DLGAP2: variants seen among roughly 807,000 people sequenced by gnomAD.
DLGAP2 encodes the protein DLG associated protein 2.
DLGAP2 carries 26 observed loss-of-function variants against 100.3 expected under a neutral mutation model. The observed-to-expected ratio is 0.26, with a 90% confidence interval of 0.19 to 0.36. The LOEUF is 0.36. DLGAP2 is among the 10% of genes least tolerant of loss of function. The pLI, the probability that DLGAP2 is intolerant of heterozygous loss-of-function variation, is 1.00. For synonymous variants in DLGAP2, 886 were observed against 630.1 expected, an observed-to-expected ratio of 1.41 and a Z score of -6.08; for missense variants, 1,858 against 1,453.2, an observed-to-expected ratio of 1.28 and a Z score of -4.53.
chr8:1,167,153 A>G (rs1341351070), intron 2 of DLGAP2, among the ~76,000 whole-genome samples: 1 of 152,126 alleles, frequency 6.6e-6, no homozygotes, highest in Non-Finnish European at 1.5e-5. Context: ...AGAAAAAGAA[A>G]AAAACAATTT....
intron 2 of DLGAP2, among the ~76,000 whole-genome samples, chr8:1,003,553 G>A (rs935919610): frequency 6.6e-6 from 1 of 152,250 alleles, no homozygotes; most frequent in Non-Finnish European, 1.5e-5. Context: ...TTAGTAAGCA[G>A]TGAGCATTGG....
chr8:798,113 G>T (rs1371879011), intron 1 of DLGAP2, among the ~76,000 whole-genome samples: 1 of 152,216 alleles, frequency 6.6e-6, no homozygotes, highest in Non-Finnish European at 1.5e-5. Flanking sequence ...GTTTGCATCA[G>T]TTTCTTGTCT....
chr8:1,508,135 A>G (rs1043978428), intron 4 of DLGAP2, among the ~76,000 whole-genome samples: 2 of 151,940 alleles, frequency 1.3e-5, no homozygotes, highest in East Asian at 3.9e-4. Context: ...AAAGTTAGAC[A>G]CATCTAACAT....
chr8:1,199,868 C>T (rs980409124), intron 2 of DLGAP2, among the ~76,000 whole-genome samples: 2 of 152,082 alleles, frequency 1.3e-5, no homozygotes, highest in Non-Finnish European at 2.9e-5. Context: ...TCGGCTGTGT[C>T]ACTGGGTGGA....
chr8:1,551,774 C>T (rs1801775490), intron 5 of DLGAP2, among the ~76,000 whole-genome samples: 1 of 142,090 alleles, frequency 7.0e-6, no homozygotes, highest in African/African-American at 2.6e-5. Context: ...CTGTGTTGAT[C>T]TCCCAGAGAT....
At chr8:1,077,930 C>G (rs528312809) in intron 2 of DLGAP2, among the ~76,000 whole-genome samples, 1 of 152,220 alleles carries the variant, frequency 6.6e-6, no homozygotes, top group Non-Finnish European at 1.5e-5. Context: ...CCCTGATTCT[C>G]TCCACACCAC....
At chr8:1,601,335 C>T (rs995524926) in intron 6 of DLGAP2, among the ~76,000 whole-genome samples, 1 of 152,202 alleles carries the variant, frequency 6.6e-6, no homozygotes, top group Admixed American at 6.5e-5. Flanking sequence ...GTCTCCCCAT[C>T]AGGAGACAAG....
intron 3 of DLGAP2, among the ~76,000 whole-genome samples, chr8:1,438,396 T>A (rs1314492749): frequency 6.6e-6 from 1 of 152,140 alleles, no homozygotes; most frequent in East Asian, 1.9e-4. Context: ...AGGAGGCCAT[T>A]TTAGTGCGTT....
chr8:1,493,099 G>A (rs1363428631), intron 3 of DLGAP2, among the ~76,000 whole-genome samples: 1 of 152,212 alleles, frequency 6.6e-6, no homozygotes, highest in South Asian at 2.1e-4. Flanking sequence ...AGGGCACAAG[G>A]TGACAACGAG....
chr8:1,561,677 T>TC (rs1802166041), intron 5 of DLGAP2, among the ~76,000 whole-genome samples: 1 of 149,004 alleles, frequency 6.7e-6, no homozygotes, highest in Non-Finnish European at 1.5e-5. Flanking sequence ...ACTGTGGTGT[T>TC]GGGTGTCCGC....
intron 10 of DLGAP2, among the ~76,000 whole-genome samples, chr8:1,671,471 G>A (rs1798688367): frequency 6.6e-6 from 1 of 152,206 alleles, no homozygotes. Context: ...CTTCTGTGGA[G>A]CTCACGCCCT....
intron 3 of DLGAP2, among the ~76,000 whole-genome samples, chr8:1,273,197 G>A (rs2116933157): frequency 6.6e-6 from 1 of 152,282 alleles, no homozygotes; most frequent in South Asian, 2.1e-4. Flanking sequence ...TAGTCTACAG[G>A]GGGGCCCTCC....
chr8:1,068,628 G>C (rs1803329280), intron 2 of DLGAP2, among the ~76,000 whole-genome samples: 2 of 152,202 alleles, frequency 1.3e-5, no homozygotes, highest in Non-Finnish European at 2.9e-5. Flanking sequence ...ACGCACAGGA[G>C]CGGGGAGATG....
intron 1 of DLGAP2, among the ~76,000 whole-genome samples, chr8:886,199 A>G (rs1481553077): frequency 6.6e-6 from 1 of 152,156 alleles, no homozygotes; most frequent in Admixed American, 6.5e-5. Flanking sequence ...AGGTGTTTAT[A>G]GTATTCTCTG....
At chr8:1,229,963 G>A (rs1325542243) in intron 2 of DLGAP2, among the ~76,000 whole-genome samples, 1 of 152,116 alleles carries the variant, frequency 6.6e-6, no homozygotes. Context: ...ACTGGAACAA[G>A]ACAAGGATGC....
intron 2 of DLGAP2, among the ~76,000 whole-genome samples, chr8:971,878 A>C (rs535102950): frequency 6.6e-6 from 1 of 152,282 alleles, no homozygotes; most frequent in South Asian, 2.1e-4. Flanking sequence ...GCTAAGAAGC[A>C]CTTGTGATGG....
chr8:1,665,806 T>C (rs1354216037), intron 8 of DLGAP2, among the ~76,000 whole-genome samples: 1 of 152,232 alleles, frequency 6.6e-6, no homozygotes, highest in Non-Finnish European at 1.5e-5. Context: ...GATTCTGTTT[T>C]CTGTAAATGA....
intron 1 of DLGAP2, among the ~76,000 whole-genome samples, chr8:866,388 G>T (rs1256128737): frequency 1.3e-5 from 2 of 152,222 alleles, no homozygotes; most frequent in African/African-American, 4.8e-5. Flanking sequence ...CAGACCAGGA[G>T]AGCCCAGGGC....
At chr8:1,295,913 C>T (rs1800161703) in intron 3 of DLGAP2, 1 of 152,246 alleles carries the variant, frequency 6.6e-6, no homozygotes, top group Non-Finnish European at 1.5e-5. Context: ...TGAAGCGTCA[C>T]AACATGCCTG....
Sources: allele counts gnomAD v4.1 joint callset (sites outside exome capture counted in the v4.1 genomes callset), GRCh38; gene constraint gnomAD v4.1.1; transcripts MANE v1.5; gene names NCBI Gene and HGNC (gene_info 2026-07-23, HGNC 2026-07-21).